Variants in HERC1 observed in about 807,000 individuals in gnomAD.
The protein encoded by HERC1 is probable E3 ubiquitin-protein ligase HERC1.
Under a neutral mutation model 554.3 loss-of-function variants are expected in HERC1, and 160 were observed. The observed-to-expected ratio is 0.29, with a 90% CI of 0.25 to 0.33. The LOEUF (loss-of-function observed/expected upper bound fraction) is 0.33, where lower values mean the gene tolerates loss of function less well. Among genes scored for constraint, HERC1 ranks in the 10% least tolerant of loss-of-function variants. The probability of loss-of-function intolerance (pLI) is 1.00; values close to 1 mark genes in which losing one functional copy is unlikely to be tolerated. For missense variants in HERC1, 4,919 were observed against 5,918.5 expected (o/e 0.83, Z 5.54); for synonymous variants, 2,175 against 2,131.7 (o/e 1.02, Z -0.56).
chr15:63,758,826 C>G lies in HERC1; in HGVS notation c.1027-457G>C, dbSNP rs1265935769. 1.3e-5 allele frequency among the ~76,000 whole-genome samples: 2 copies of G among 152,128 alleles called. No individual in the cohort carries two copies. Among genetic ancestry groups the G allele is most frequent in the Admixed American group, 6.6e-5 (1 of 15,260 alleles). On this transcript the variant is annotated intron_variant, in intron 3 of 77. Coordinates refer to ENST00000443617, the MANE Select transcript of HERC1 (RefSeq NM_003922.4). The surrounding 1 kb of genome is among the most constrained non-coding windows in gnomAD (Gnocchi z 4.0). Reference sequence around the variant, plus strand: ...TCATGCAAATCCATGCCTACCTAGTCTTCATGATTGAATAGATAATATTCC... The same window carrying G: ...TCATGCAAATCCATGCCTACCTAGTGTTCATGATTGAATAGATAATATTCC...
chr15:63,817,791 C>T (rs2077544961), intron 1 of HERC1, among the ~76,000 whole-genome samples: 1 of 152,086 alleles, frequency 6.6e-6, no homozygotes, highest in South Asian at 2.1e-4. Context: ...ACAAGACTGC[C>T]TATGAGTTGA....
In HERC1 at chr15:63,713,616, G is replaced by C; in HGVS notation, c.4200C>G (p.Asp1400Glu). Residue 1400 changes from aspartate (D) to glutamate (E), a missense_variant, in exon 23 of 78, where the codon GAC (aspartate) becomes GAG (glutamate). Transcript: ENST00000443617. ...LSAREVARSR[D>E]RDRMNSGAGS... ...CTGCCCCACTGTTCATTCTATCTCG[G>C]TCTCGGCTACGAGCTACTTCACGGG... 1 of 1,613,320 alleles carries C rather than the reference G, an allele frequency of 6.2e-7. No homozygotes were observed.
chr15:63,742,359 T>G lies in HERC1; in HGVS notation c.2520+4559A>C, dbSNP rs189836720. On this transcript the variant is annotated intron_variant, in intron 12 of 77. Transcript: ENST00000443617. ...CTGAAGCTCTGCTGAACTCGTTTATTAGCCCTAATAGTTGTGTATGAGTGT... is the reference window on the plus strand; with the variant it reads ...CTGAAGCTCTGCTGAACTCGTTTATGAGCCCTAATAGTTGTGTATGAGTGT... Among the ~76,000 whole-genome samples the G allele has an allele frequency of 5.3e-5, 8 of 152,332 alleles. No individual in the cohort carries two copies. The East Asian group carries it at 1.2e-3, about 22-fold the overall frequency.
chr15:63,807,333 G>A (rs563101391), intron 1 of HERC1, among the ~76,000 whole-genome samples: 3 of 152,120 alleles, frequency 2.0e-5, no homozygotes, highest in Non-Finnish European at 4.4e-5. Flanking sequence ...ATGGGAGGAT[G>A]AGAAGTAAAA....
At chr15:63,630,961 T>G (rs2068522964) in intron 68 of HERC1, among the ~76,000 whole-genome samples, 1 of 152,194 alleles carries the variant, frequency 6.6e-6, no homozygotes, top group Non-Finnish European at 1.5e-5. Flanking sequence ...CTGACACAGT[T>G]CAGGCCCTCA....
intron 1 of HERC1, among the ~76,000 whole-genome samples, chr15:63,792,613 G>A (rs1027894053): frequency 3.9e-5 from 6 of 152,060 alleles, no homozygotes; most frequent in South Asian, 2.1e-4. Context: ...ATAATATTTA[G>A]TATTACCTTC....
chr15:63,771,051 T>C (rs1287671347), intron 2 of HERC1, among the ~76,000 whole-genome samples: 1 of 151,864 alleles, frequency 6.6e-6, no homozygotes, highest in Non-Finnish European at 1.5e-5. Context: ...TAGCCAGGCA[T>C]GATAGCAAGT....
chr15:63,715,197 T>C (rs1272576987), intron 22 of HERC1, among the ~76,000 whole-genome samples: 1 of 152,200 alleles, frequency 6.6e-6, no homozygotes, highest in Non-Finnish European at 1.5e-5. Flanking sequence ...ACTAGAACTT[T>C]AGACAGTTAT....
chr15:63,659,158 C>T (rs926321897), intron 47 of HERC1, among the ~76,000 whole-genome samples: 1 of 152,114 alleles, frequency 6.6e-6, no homozygotes, highest in African/African-American at 2.4e-5. Context: ...AAGTTGGTTA[C>T]AGGATTCTCT....
chr15:63,733,443 A>G (rs2074377191), intron 13 of HERC1, among the ~76,000 whole-genome samples: 1 of 152,236 alleles, frequency 6.6e-6, no homozygotes, highest in South Asian at 2.1e-4. Context: ...ACGAAATGCC[A>G]ATAGATAAAT....
In HERC1 at chr15:63,636,254, A is replaced by G. The variant is rs543609206; in HGVS notation, c.12233-112T>C. 1.1e-5 allele frequency: 10 copies of G among 885,426 alleles called. No individual in the cohort carries two copies. The African/African-American group carries it at 1.5e-4, about 14-fold the overall frequency. 54.8% of individuals were successfully genotyped at this position (885,426 alleles called of 1,614,324 possible). On this transcript the variant is annotated intron_variant, in intron 64 of 77. Transcript: ENST00000443617. ...AAAACCACCGAATTGGTACTATGAAAATAAGAATAATTTCATTAGTTTTTT... is the reference window on the plus strand; with the variant it reads ...AAAACCACCGAATTGGTACTATGAAGATAAGAATAATTTCATTAGTTTTTT...
At chr15:63,832,271 G>A (rs1244030514) in intron 1 of HERC1, among the ~76,000 whole-genome samples, 5 of 149,690 alleles carry the variant, frequency 3.3e-5, no homozygotes, top group Non-Finnish European at 5.9e-5. Context: ...TGCAGAATAC[G>A]TGTGTGTGTG....
In HERC1 at chr15:63,758,049, A is replaced by G. The variant is rs930467359; in HGVS notation, c.1221+126T>C. On this transcript the variant is annotated intron_variant, in intron 4 of 77. Transcript: ENST00000443617. The surrounding 1 kb of genome is among the most constrained non-coding windows in gnomAD (Gnocchi z 4.0). ...TTAAAATGAAAAAAACTAATGCAGT[A>G]TATAGACCAGAAATAACCATCGATA... 1 of 727,060 alleles carries G rather than the reference A, an allele frequency of 1.4e-6. No homozygotes were observed. 45.0% of individuals were successfully genotyped at this position (727,060 alleles called of 1,614,324 possible). A position where few individuals can be genotyped will look rare whatever the true frequency, so the allele number is the denominator to read the frequency against.
intron 55 of HERC1, among the ~76,000 whole-genome samples, chr15:63,647,386 T>G (rs527585368): frequency 6.6e-6 from 1 of 151,892 alleles, no homozygotes; most frequent in South Asian, 2.1e-4. Flanking sequence ...AGGGAACTCT[T>G]AAACACTGTT....
intron 74 of HERC1, 82 bp downstream of exon 74, chr15:63,622,733 C>A: frequency 9.5e-7 from 1 of 1,052,384 alleles, no homozygotes; most frequent in Non-Finnish European, 1.4e-6. Flanking sequence ...TAAAACAGGA[C>A]CTGGTACATA....
intron 8 of HERC1, among the ~76,000 whole-genome samples, chr15:63,751,018 T>C (rs942014339): frequency 1.3e-5 from 2 of 152,168 alleles, no homozygotes; most frequent in African/African-American, 2.4e-5. Context: ...AAGATTCCAG[T>C]ACATAAGGCA....
intron 55 of HERC1, 118 bp from the exon 56 acceptor site, chr15:63,645,800 T>C: frequency 3.1e-6 from 2 of 649,160 alleles, no homozygotes; most frequent in East Asian, 2.8e-5. Context: ...TCATTTATTT[T>C]GAAATCAATA....
chr15:63,628,149 G>C (rs1385137453), intron 70 of HERC1, among the ~76,000 whole-genome samples: 1 of 152,164 alleles, frequency 6.6e-6, no homozygotes. Context: ...CTAACACTTT[G>C]GGAGGCTGAG....
intron 16 of HERC1, 135 bp downstream of exon 16, chr15:63,729,101 T>A (rs2074166148): frequency 1.2e-6 from 1 of 821,402 alleles, no homozygotes; most frequent in Non-Finnish European, 1.9e-6. Context: ...AAACCAAGAC[T>A]AAAGGAATCT....
Sources: allele counts gnomAD v4.1 joint callset (sites outside exome capture counted in the v4.1 genomes callset), GRCh38; gene constraint gnomAD v4.1.1; non-coding constraint Gnocchi (gnomAD v3.1); transcripts MANE v1.5; gene names NCBI Gene and HGNC (gene_info 2026-07-23, HGNC 2026-07-21).